PDE3B: variants seen among roughly 807,000 people sequenced by gnomAD.
PDE3B encodes the protein phosphodiesterase 3B.
Under a neutral mutation model 116.8 loss-of-function variants are expected in PDE3B, and 66 were observed. The ratio of observed to expected loss-of-function variants is 0.56; its 90% CI spans 0.46 to 0.69. The LOEUF is 0.69. PDE3B is among the 30% of genes least tolerant of loss of function. The probability of loss-of-function intolerance (pLI) is 0.00; values close to 1 mark genes in which losing one functional copy is unlikely to be tolerated. For synonymous variants in PDE3B, 595 were observed against 533.6 expected (o/e 1.12, Z -1.59); for missense variants, 1,384 against 1,368.1 (o/e 1.01, Z -0.18).
intron 12 of PDE3B, among the ~76,000 whole-genome samples, chr11:14,847,616 G>A (rs1847639175): frequency 6.6e-6 from 1 of 152,036 alleles, no homozygotes; most frequent in Admixed American, 6.5e-5. Flanking sequence ...AGAAAAGAGA[G>A]AAGAATCAAA....
chr11:14,847,544 A>C (rs1044140757), intron 12 of PDE3B, among the ~76,000 whole-genome samples: 2 of 151,992 alleles, frequency 1.3e-5, no homozygotes, highest in African/African-American at 4.8e-5. Context: ...AAATCAATGA[A>C]TCCAGGAGCT....
At chr11:14,771,841 A>G (rs576805767) in intron 1 of PDE3B, 96 bp from the exon 2 acceptor site, 1 of 477,340 alleles carries the variant, frequency 2.1e-6, no homozygotes, top group Non-Finnish European at 3.8e-6. Flanking sequence ...ATTTTGAGCT[A>G]TATTAGATAA....
At chr11:14,890,441 C>T in the PDE3B span, 1 of 981,470 alleles carries the variant, frequency 1.0e-6, no homozygotes, top group Non-Finnish European at 1.2e-6. Context: ...CCTTTATTAT[C>T]TCGTCCAGCT....
intron 4 of PDE3B, among the ~76,000 whole-genome samples, chr11:14,800,310 C>CA (rs1475970950): frequency 6.6e-6 from 1 of 152,112 alleles, no homozygotes; most frequent in Non-Finnish European, 1.5e-5. Context: ...AATAAACATA[C>CA]AAAAGTTAGC....
At chr11:14,811,349 G>C (rs1330305955) in intron 5 of PDE3B, among the ~76,000 whole-genome samples, 1 of 152,166 alleles carries the variant, frequency 6.6e-6, no homozygotes, top group Non-Finnish European at 1.5e-5. Flanking sequence ...TTTTGTATAA[G>C]GTGTAAGGAA....
intron 14 of PDE3B, among the ~76,000 whole-genome samples, chr11:14,864,346 A>G (rs941785576): frequency 1.3e-5 from 2 of 152,154 alleles, no homozygotes; most frequent in African/African-American, 4.8e-5. Context: ...ACTCCCACAA[A>G]ATAATAGTGG....
At chr11:14,814,130 A>T (rs900308193) in intron 5 of PDE3B, among the ~76,000 whole-genome samples, 1 of 152,160 alleles carries the variant, frequency 6.6e-6, no homozygotes, top group Admixed American at 6.5e-5. Flanking sequence ...CTGATAAAGT[A>T]TCTATCAAAA....
intron 1 of PDE3B, among the ~76,000 whole-genome samples, chr11:14,667,418 AAAACTT>A (rs1854201020): frequency 6.6e-6 from 1 of 151,738 alleles, no homozygotes; most frequent in Admixed American, 6.6e-5. Context: ...CATGTACCCT[AAAACTT>A]AAAGTATAAT....
At chr11:14,747,909 T>C (rs1189355154) in intron 1 of PDE3B, among the ~76,000 whole-genome samples, 1 of 152,170 alleles carries the variant, frequency 6.6e-6, no homozygotes, top group African/African-American at 2.4e-5. Context: ...AAAAGCCCCT[T>C]TGAAGAAATA....
downstream of PDE3B, among the ~76,000 whole-genome samples, chr11:14,876,872 CT>C (rs573885931): frequency 2.6e-5 from 4 of 152,272 alleles, no homozygotes; most frequent in South Asian, 8.3e-4. Flanking sequence ...CCAAATTCCC[CT>C]TTTATTGCTT....
chr11:14,757,167 G>A (rs1857215088), intron 1 of PDE3B, among the ~76,000 whole-genome samples: 1 of 151,970 alleles, frequency 6.6e-6, no homozygotes, highest in Non-Finnish European at 1.5e-5. Flanking sequence ...ACTCCATGGT[G>A]TATATGTGCC....
chr11:14,795,862 A>G (rs1383783575), intron 4 of PDE3B, among the ~76,000 whole-genome samples: 1 of 151,754 alleles, frequency 6.6e-6, no homozygotes, highest in Non-Finnish European at 1.5e-5. Flanking sequence ...TGAAAGCTCA[A>G]TTCATTATCT....
At chr11:14,657,537 G>A (rs1341302932) in intron 1 of PDE3B, among the ~76,000 whole-genome samples, 5 of 152,062 alleles carry the variant, frequency 3.3e-5, no homozygotes, top group African/African-American at 9.7e-5. Context: ...TTTTCTTTAC[G>A]GGAAAATACT....
At chr11:14,655,075 T>C (rs575053959) in intron 1 of PDE3B, among the ~76,000 whole-genome samples, 3 of 152,272 alleles carry the variant, frequency 2.0e-5, no homozygotes, top group Non-Finnish European at 4.4e-5. Flanking sequence ...GTTAAAAGAA[T>C]ATAAAGATTG....
At chr11:14,673,522 A>G in intron 1 of PDE3B, 1 of 395,290 alleles carries the variant, frequency 2.5e-6, no homozygotes, top group African/African-American at 2.1e-5. Flanking sequence ...TGTACAAGAG[A>G]TAGACTAAGA....
chr11:14,658,480 C>T (rs1264266498), intron 1 of PDE3B, among the ~76,000 whole-genome samples: 1 of 152,154 alleles, frequency 6.6e-6, no homozygotes, highest in Non-Finnish European at 1.5e-5. Flanking sequence ...CTCACCCTCC[C>T]AAGTAGCTGG....
At chr11:14,691,576 T>A (rs1855042127) in intron 1 of PDE3B, among the ~76,000 whole-genome samples, 1 of 152,174 alleles carries the variant, frequency 6.6e-6, no homozygotes, top group Admixed American at 6.6e-5. Context: ...TCCATTTAAC[T>A]CATCAAAATG....
intron 1 of PDE3B, among the ~76,000 whole-genome samples, chr11:14,770,727 C>A (rs2133896960): frequency 6.6e-6 from 1 of 151,618 alleles, no homozygotes; most frequent in East Asian, 1.9e-4. Context: ...TGTACTGTGT[C>A]TGAATTTTCT....
intron 1 of PDE3B, among the ~76,000 whole-genome samples, chr11:14,718,628 C>A (rs1053926012): frequency 6.0e-5 from 9 of 149,748 alleles, no homozygotes; most frequent in Non-Finnish European, 8.9e-5. Context: ...CACTCAAAAC[C>A]GCTCAACTAC....
Sources: allele counts gnomAD v4.1 joint callset (sites outside exome capture counted in the v4.1 genomes callset), GRCh38; gene constraint gnomAD v4.1.1; transcripts MANE v1.5; gene names NCBI Gene and HGNC (gene_info 2026-07-23, HGNC 2026-07-21).